KDM7A: variants seen among roughly 807,000 people sequenced by gnomAD.
KDM7A encodes lysine demethylase 7A.
A neutral mutation model predicts 114.8 loss-of-function variants in KDM7A; 28 were observed. The ratio of observed to expected loss-of-function variants is 0.24; its 90% confidence interval spans 0.18 to 0.33. KDM7A has a LOEUF of 0.33. Ranked by LOEUF, KDM7A falls within the 10% of genes least tolerant of loss-of-function variation. KDM7A has a pLI of 1.00. For missense variants in KDM7A, 942 were observed against 1,142.5 expected (o/e 0.82, Z 2.53); for synonymous variants, 423 against 397.8 (o/e 1.06, Z -0.75).
chr7:140,111,214 C>A (rs752004066), intron 10 of KDM7A, 30 bp from the exon 11 acceptor site: 3 of 1,436,058 alleles, frequency 2.1e-6, no homozygotes, highest in Non-Finnish European at 9.7e-7. Context: ...AATAAGAAAA[C>A]CAAAGTTATT....
Position 140,085,020 on chromosome 7 carries a change from T to C in KDM7A, c.*6074A>G, listed in dbSNP as rs1361169732. 6.6e-6 allele frequency: 1 copy of C among 152,168 alleles called. No homozygotes were observed. Among genetic ancestry groups the C allele is most frequent in the African/African-American group, 2.4e-5 (1 of 41,432 alleles). The allele number at this position is 152,168 out of a possible 1,614,324, so 9.4% of individuals were successfully genotyped here. A position where few individuals can be genotyped will look rare whatever the true frequency, so the allele number is the denominator to read the frequency against. ...AGTAAAACAGAAACAAAATAAATACTGTACACTTTCCCTGCCTGCAGGCAA... is the reference window on the plus strand; with the variant it reads ...AGTAAAACAGAAACAAAATAAATACCGTACACTTTCCCTGCCTGCAGGCAA... On this transcript the variant is annotated 3_prime_UTR_variant, in exon 20 of 20. Transcript: ENST00000397560.
intron 12 of KDM7A, among the ~76,000 whole-genome samples, chr7:140,101,287 A>G (rs931517097): frequency 6.6e-6 from 1 of 152,186 alleles, no homozygotes; most frequent in Non-Finnish European, 1.5e-5. Flanking sequence ...CCAGTAGGCC[A>G]GCACTTCACG....
chr7:140,098,203 G>A (rs896583635), intron 14 of KDM7A, among the ~76,000 whole-genome samples: 1 of 152,046 alleles, frequency 6.6e-6, no homozygotes, highest in Non-Finnish European at 1.5e-5. Flanking sequence ...CAGGAACTGG[G>A]GTGTTCAACA....
At chr7:140,158,044 A>T (rs1369108558) in intron 1 of KDM7A, among the ~76,000 whole-genome samples, 2 of 151,712 alleles carry the variant, frequency 1.3e-5, no homozygotes, top group Non-Finnish European at 2.9e-5. Flanking sequence ...AGGTGGGAAA[A>T]GGGCAATAGT....
chr7:140,114,963 C>A (rs2116779157), intron 9 of KDM7A, among the ~76,000 whole-genome samples: 1 of 147,010 alleles, frequency 6.8e-6, no homozygotes, highest in East Asian at 2.1e-4. Context: ...ACTGAGGAGC[C>A]CCTCCGCCCG....
intron 19 of KDM7A, 21 bp from the exon 20 acceptor site, chr7:140,091,209 G>A (rs1285393526): frequency 1.3e-6 from 2 of 1,523,992 alleles, no homozygotes; most frequent in South Asian, 2.2e-5. Flanking sequence ...CCAAAAGGGA[G>A]TGTAAGTAAT....
intron 9 of KDM7A, among the ~76,000 whole-genome samples, chr7:140,115,571 T>G (rs917382772): frequency 6.6e-6 from 1 of 152,094 alleles, no homozygotes; most frequent in Non-Finnish European, 1.5e-5. Flanking sequence ...AAGATGTGCT[T>G]TGTTAAACAG....
At chr7:140,173,381 A>G (rs1212977701) in intron 1 of KDM7A, among the ~76,000 whole-genome samples, 1 of 152,206 alleles carries the variant, frequency 6.6e-6, no homozygotes, top group Non-Finnish European at 1.5e-5. Flanking sequence ...GACCTGGAAG[A>G]CGCTGGTTCC....
intron 2 of KDM7A, 139 bp downstream of exon 2, chr7:140,138,966 G>T (rs1818911817): frequency 7.5e-6 from 4 of 530,058 alleles, no homozygotes; most frequent in Non-Finnish European, 1.3e-5. Context: ...TAAATACCTT[G>T]AGCAAAATCT....
At chr7:140,173,252 C>A (rs886156952) in intron 1 of KDM7A, among the ~76,000 whole-genome samples, 1 of 151,942 alleles carries the variant, frequency 6.6e-6, no homozygotes, top group Non-Finnish European at 1.5e-5. Context: ...CAACCCATTG[C>A]CCCTAGAGTT....
At chr7:140,164,883 C>G (rs538868273) in intron 1 of KDM7A, among the ~76,000 whole-genome samples, 217 of 152,272 alleles carry the variant, frequency 1.4e-3, no homozygotes, top group Non-Finnish European at 2.6e-3. Flanking sequence ...ACTATTCGGT[C>G]TACTTCTGCA....
chr7:140,128,242 A>C (rs1371142866), intron 4 of KDM7A, among the ~76,000 whole-genome samples: 1 of 152,226 alleles, frequency 6.6e-6, no homozygotes, highest in Non-Finnish European at 1.5e-5. Context: ...GTGTTTACAG[A>C]CCACTGCACT....
intron 1 of KDM7A, among the ~76,000 whole-genome samples, chr7:140,158,796 G>A (rs994801843): frequency 3.3e-5 from 5 of 152,168 alleles, no homozygotes; most frequent in African/African-American, 1.2e-4. Context: ...CAGATGCCAA[G>A]TTAAGTGATG....
At chr7:140,125,013 T>C (rs1401806677) in intron 6 of KDM7A, among the ~76,000 whole-genome samples, 2 of 152,118 alleles carry the variant, frequency 1.3e-5, no homozygotes, top group Non-Finnish European at 2.9e-5. Context: ...TAAAGTAGTG[T>C]TGAAGAAATA....
chr7:140,175,575 C>A (rs573018995), intron 1 of KDM7A, among the ~76,000 whole-genome samples: 5 of 152,364 alleles, frequency 3.3e-5, no homozygotes, highest in African/African-American at 1.2e-4. Context: ...CCAACCCCAA[C>A]TAGTTTCTTT....
At chr7:140,100,665 T>TATATATATATACACAC (rs1488940814) in intron 12 of KDM7A, among the ~76,000 whole-genome samples, 6 of 40,666 alleles carry the variant, frequency 1.5e-4, no homozygotes, top group Admixed American at 9.8e-4. Flanking sequence ...AAAAGTTATA[T>TATATATATATACACAC]ATATATATAT....
rs1302504169 is a variant in KDM7A, at chr7:140,148,779, G to T, written c.195-9589C>A. On this transcript the variant is annotated intron_variant, in intron 1 of 19. Coordinates refer to ENST00000397560, the MANE Select transcript of KDM7A (RefSeq NM_030647.2). The stretch of plus-strand genomic sequence containing the variant: ...AATGTATGATTAAATTTGTGGCTCA[G>T]AAAAACCCAACTTCTATTATTTTCT... Among the ~76,000 whole-genome samples, 4 of 152,128 alleles carry T rather than the reference G, an allele frequency of 2.6e-5. No individual in the cohort carries two copies. The East Asian group carries it at 7.7e-4, about 29-fold the overall frequency.
rs181590405 is a variant in KDM7A at position 140,173,829 on chromosome 7, C to G, written c.194+2915G>C. 1.8e-3 allele frequency among the ~76,000 whole-genome samples: 272 copies of G among 152,142 alleles called. 1 individual carries two copies. Among genetic ancestry groups the G allele is most frequent in the Non-Finnish European group, 3.3e-3 (227 of 68,002 alleles). On this transcript the variant is annotated intron_variant, in intron 1 of 19. Coordinates refer to ENST00000397560, the MANE Select transcript of KDM7A (RefSeq NM_030647.2). ...ACAGTAAACATCAGAGTAAATACCA[C>G]GGGAAAAACATACAGAGTCCAAATT...
intron 7 of KDM7A, among the ~76,000 whole-genome samples, chr7:140,121,808 T>C (rs1818621875): frequency 6.6e-6 from 1 of 152,172 alleles, no homozygotes; most frequent in Non-Finnish European, 1.5e-5. Context: ...TATTATTATA[T>C]ATATCTGTAT....
Sources: allele counts gnomAD v4.1 joint callset (sites outside exome capture counted in the v4.1 genomes callset), GRCh38; gene constraint gnomAD v4.1.1; transcripts MANE v1.5; gene names NCBI Gene and HGNC (gene_info 2026-07-23, HGNC 2026-07-21).